The following RORA variants were observed in gnomAD, a reference collection of about 807,000 sequenced individuals.
RORA encodes nuclear receptor ROR-alpha.
RORA carries 7 observed loss-of-function variants against 69.5 expected under a neutral mutation model. The observed-to-expected ratio is 0.10, with a 90% CI of 0.06 to 0.19. RORA has a LOEUF of 0.19. Among genes scored for constraint, RORA ranks in the 10% least tolerant of loss-of-function variants. RORA has a pLI of 1.00. For missense variants in RORA, 457 were observed against 663.0 expected (o/e 0.69, Z 3.41); for synonymous variants, 261 against 240.8 (o/e 1.08, Z -0.78).
At position 61,226,100 on chromosome 15, in the gene RORA, G is replaced by T. The variant is rs2080143037; in HGVS notation, c.166+2953C>A. Among the ~76,000 whole-genome samples, 1 of 152,202 alleles carries T rather than the reference G, an allele frequency of 6.6e-6. No individual in the cohort carries two copies. The highest frequency in any genetic ancestry group is 1.5e-5 in the Non-Finnish European group (1 of 68,034). Reference sequence around the variant, plus strand: ...CATCCACACTTGGATTCCCAAGAGGGAGGAATTCAACAGTAGCCTCAAGTC... The same window carrying T: ...CATCCACACTTGGATTCCCAAGAGGTAGGAATTCAACAGTAGCCTCAAGTC... On this transcript the variant is annotated intron_variant, in intron 1 of 10. Transcript: ENST00000335670. This position sits in a 1 kb window ranked among gnomAD's most constrained non-coding sequence, Gnocchi z 4.2.
intron 1 of RORA, among the ~76,000 whole-genome samples, chr15:60,757,520 CT>C (rs2071820440): frequency 6.6e-6 from 1 of 152,220 alleles, no homozygotes; most frequent in African/African-American, 2.4e-5. Context: ...CTTTGTATCA[CT>C]GGCTAAGTCC....
chr15:61,178,362 TA>T (rs34582245), intron 1 of RORA, among the ~76,000 whole-genome samples: 1 of 152,210 alleles, frequency 6.6e-6, no homozygotes, highest in Non-Finnish European at 1.5e-5. Flanking sequence ...CCAAGGAAAT[TA>T]AAACTCTTTC....
intron 1 of RORA, among the ~76,000 whole-genome samples, chr15:60,852,031 A>T (rs1190450291): frequency 1.3e-5 from 2 of 152,116 alleles, no homozygotes; most frequent in Non-Finnish European, 2.9e-5. Flanking sequence ...AACAAGCAAC[A>T]CTATTGTGAC....
At chr15:61,137,467 C>T (rs2079256665) in intron 1 of RORA, among the ~76,000 whole-genome samples, 1 of 152,216 alleles carries the variant, frequency 6.6e-6, no homozygotes, top group South Asian at 2.1e-4. Flanking sequence ...GTATAATGCA[C>T]ACACTTATCC....
chr15:60,818,357 C>T (rs189745897), intron 1 of RORA, among the ~76,000 whole-genome samples: 5 of 152,186 alleles, frequency 3.3e-5, no homozygotes, highest in East Asian at 1.9e-4. Context: ...AGGAGAAACC[C>T]GTTAGAATTA....
At chr15:61,160,386 A>C (rs887327903) in intron 1 of RORA, among the ~76,000 whole-genome samples, 1 of 152,228 alleles carries the variant, frequency 6.6e-6, no homozygotes, top group Admixed American at 6.5e-5. Flanking sequence ...GTTACATTAC[A>C]CATTTTCACA....
chr15:60,992,818 T>A (rs1011672067), intron 1 of RORA, among the ~76,000 whole-genome samples: 3 of 152,184 alleles, frequency 2.0e-5, no homozygotes, highest in Admixed American at 2.0e-4. Flanking sequence ...TCTACTTCGG[T>A]CTGGTTTGAG....
chr15:61,210,801 T>A (rs576283080), intron 1 of RORA, among the ~76,000 whole-genome samples: 2 of 152,260 alleles, frequency 1.3e-5, no homozygotes, highest in Non-Finnish European at 2.9e-5. Context: ...TCTTTCAGGA[T>A]TCTTACAGAT....
intron 1 of RORA, among the ~76,000 whole-genome samples, chr15:60,680,670 T>G (rs1190362067): frequency 6.6e-6 from 1 of 152,134 alleles, no homozygotes; most frequent in Non-Finnish European, 1.5e-5. Flanking sequence ...TATATTGGAG[T>G]TGCCAGATTT....
intron 2 of RORA, among the ~76,000 whole-genome samples, chr15:60,621,999 G>A (rs1192116585): frequency 6.6e-6 from 1 of 152,048 alleles, no homozygotes; most frequent in African/African-American, 2.4e-5. Context: ...GGTGAGCCAA[G>A]GTTGCACCGT....
intron 1 of RORA, among the ~76,000 whole-genome samples, chr15:61,178,970 C>A (rs1179992333): frequency 1.3e-5 from 2 of 152,244 alleles, no homozygotes; most frequent in Non-Finnish European, 2.9e-5. Flanking sequence ...TCCTTTGGTA[C>A]AAAGAAAATC....
At chr15:60,798,781 T>G (rs1425261737) in intron 1 of RORA, among the ~76,000 whole-genome samples, 2 of 152,044 alleles carry the variant, frequency 1.3e-5, no homozygotes, top group African/African-American at 4.8e-5. Context: ...GTAAGTTACT[T>G]CCCCTCTCTG....
intron 1 of RORA, among the ~76,000 whole-genome samples, chr15:60,771,132 C>T (rs546371298): frequency 1.3e-5 from 2 of 152,248 alleles, no homozygotes; most frequent in African/African-American, 2.4e-5. Context: ...ACTTCTGGGT[C>T]CCCCATAGAC....
At chr15:60,909,336 C>A (rs1891633766) in intron 1 of RORA, among the ~76,000 whole-genome samples, 1 of 152,166 alleles carries the variant, frequency 6.6e-6, no homozygotes, top group Non-Finnish European at 1.5e-5. Context: ...GGGATTTTAA[C>A]AGAGAAACAA....
chr15:61,028,630 C>T (rs188497400), intron 1 of RORA, among the ~76,000 whole-genome samples: 1 of 152,286 alleles, frequency 6.6e-6, no homozygotes, highest in East Asian at 1.9e-4. Flanking sequence ...GTGACAGACA[C>T]AGTGCAGTAA....
rs2065095471 is a variant in RORA at position 60,493,763 on chromosome 15, A to G, written c.*3692T>C. 1 of 152,142 alleles carries G rather than the reference A, an allele frequency of 6.6e-6. No individual in the cohort carries two copies. Among genetic ancestry groups the G allele is most frequent in the Non-Finnish European group, 1.5e-5 (1 of 68,028 alleles). The allele number at this position is 152,142 out of a possible 1,614,324, so 9.4% of individuals were successfully genotyped here. A position where few individuals can be genotyped will look rare whatever the true frequency, so the allele number is the denominator to read the frequency against. On this transcript the variant is annotated 3_prime_UTR_variant, in exon 11 of 11. Coordinates refer to ENST00000335670, the MANE Select transcript of RORA (RefSeq NM_134261.3). ...TGCAGGAATATTTCAAGTGCCATCA[A>G]ATATTTATAGAAGGGTTAAAAAAAT... is the stretch of plus-strand genomic sequence containing the variant.
At chr15:60,972,441 A>G (rs1893746463) in intron 1 of RORA, among the ~76,000 whole-genome samples, 1 of 152,240 alleles carries the variant, frequency 6.6e-6, no homozygotes, top group Non-Finnish European at 1.5e-5. Flanking sequence ...AAGCACATAA[A>G]CTGACCTTAC....
In RORA at chr15:61,100,603, A is replaced by G. The variant is rs80276194; in HGVS notation, c.166+128450T>C. 6.4e-3 allele frequency among the ~76,000 whole-genome samples: 972 copies of G among 152,192 alleles called. 11 individuals are homozygous for G. The highest frequency in any genetic ancestry group is 0.052 in the East Asian group (270 of 5,174). ...GGTGTCTGTGGCTAGAAATCTTCAG[A>G]GCCACCTGTGGCTAGAGAGCTGGGA... On this transcript the variant is annotated intron_variant, in intron 1 of 10. Transcript: ENST00000335670.
chr15:60,962,226 G>A (rs369586783), intron 1 of RORA, among the ~76,000 whole-genome samples: 1 of 152,176 alleles, frequency 6.6e-6, no homozygotes, highest in African/African-American at 2.4e-5. Context: ...GGCATTTCCT[G>A]TCCTGACTAG....
Sources: allele counts gnomAD v4.1 joint callset (sites outside exome capture counted in the v4.1 genomes callset), GRCh38; gene constraint gnomAD v4.1.1; non-coding constraint Gnocchi (gnomAD v3.1); transcripts MANE v1.5; gene names NCBI Gene and HGNC (gene_info 2026-07-23, HGNC 2026-07-21).